The following CIMIP6 variants were observed in gnomAD, a reference collection of about 807,000 sequenced individuals.
CIMIP6 encodes ciliary microtubule inner protein 6.
the CIMIP6 span, among the ~76,000 whole-genome samples, chr2:54,335,399 T>A: frequency 6.6e-6 from 1 of 152,238 alleles, no homozygotes; most frequent in African/African-American, 2.4e-5. Flanking sequence ...CATATGAAGT[T>A]CTAGGAATGA....
the CIMIP6 span, chr2:54,335,072 C>A: frequency 7.0e-7 from 1 of 1,437,922 alleles, no homozygotes; most frequent in Non-Finnish European, 9.4e-7. Flanking sequence ...GATTCAGATG[C>A]TGTTTTGCAG....
chr2:54,333,294 G>A, the CIMIP6 span, among the ~76,000 whole-genome samples: 2 of 152,238 alleles, frequency 1.3e-5, no homozygotes, highest in African/African-American at 4.8e-5. Context: ...ACATGTGGTA[G>A]AGGAAAGAAA....
the CIMIP6 span, among the ~76,000 whole-genome samples, chr2:54,378,562 T>A: frequency 6.6e-6 from 1 of 152,328 alleles, no homozygotes; most frequent in Non-Finnish European, 1.5e-5. Flanking sequence ...CAAAATATTG[T>A]CTAGAAAGGA....
At chr2:54,355,687 G>A in the CIMIP6 span, among the ~76,000 whole-genome samples, 1 of 151,636 alleles carries the variant, frequency 6.6e-6, no homozygotes, top group African/African-American at 2.4e-5. Flanking sequence ...TGATTTTCTA[G>A]TTCATGATTC....
At chr2:54,350,427 G>T in the CIMIP6 span, among the ~76,000 whole-genome samples, 115,589 of 152,108 alleles carry the variant, frequency 0.76, 44,100 homozygotes, top group Non-Finnish European at 0.8. Context: ...GACTGAGGAC[G>T]GGACTCAGCT....
chr2:54,378,828 A>G, the CIMIP6 span, among the ~76,000 whole-genome samples: 1 of 152,198 alleles, frequency 6.6e-6, no homozygotes, highest in African/African-American at 2.4e-5. Flanking sequence ...CATGTCCTGA[A>G]TTCTTACAGC....
the CIMIP6 span, chr2:54,343,973 C>A: frequency 9.1e-7 from 1 of 1,102,906 alleles, no homozygotes; most frequent in Non-Finnish European, 1.2e-6. Flanking sequence ...AAAATAATTA[C>A]TTCTCTATGA....
chr2:54,361,793 GGTT>G, the CIMIP6 span, among the ~76,000 whole-genome samples: 2 of 152,182 alleles, frequency 1.3e-5, no homozygotes, highest in African/African-American at 4.8e-5. Context: ...GGAAGGGAGA[GGTT>G]GTTAGCATGT....
At chr2:54,355,686 A>G in the CIMIP6 span, among the ~76,000 whole-genome samples, 1 of 151,752 alleles carries the variant, frequency 6.6e-6, no homozygotes, top group Non-Finnish European at 1.5e-5. Context: ...CTGATTTTCT[A>G]GTTCATGATT....
At chr2:54,380,899 A>T in the CIMIP6 span, among the ~76,000 whole-genome samples, 6 of 152,104 alleles carry the variant, frequency 3.9e-5, no homozygotes, top group East Asian at 7.7e-4. Context: ...TTCTGTGGCG[A>T]TATCTTTTTT....
chr2:54,377,660 GCT>G, the CIMIP6 span, among the ~76,000 whole-genome samples: 5 of 152,088 alleles, frequency 3.3e-5, no homozygotes, highest in African/African-American at 9.7e-5. Flanking sequence ...TGAAAATCCA[GCT>G]CTCTCTGTGT....
chr2:54,366,675 A>T, the CIMIP6 span, among the ~76,000 whole-genome samples: 1 of 151,680 alleles, frequency 6.6e-6, no homozygotes, highest in South Asian at 2.1e-4. Flanking sequence ...GACAACCATA[A>T]TGTCAGCAGA....
At chr2:54,370,341 C>G in the CIMIP6 span, among the ~76,000 whole-genome samples, 1 of 151,998 alleles carries the variant, frequency 6.6e-6, no homozygotes, top group African/African-American at 2.4e-5. Flanking sequence ...AGTTAAAGCT[C>G]CCTGCCACCT....
At chr2:54,355,214 G>T in the CIMIP6 span, among the ~76,000 whole-genome samples, 2 of 152,182 alleles carry the variant, frequency 1.3e-5, no homozygotes, top group Non-Finnish European at 2.9e-5. Context: ...TTAACCTGTT[G>T]TTACTCCTTC....
the CIMIP6 span, chr2:54,360,770 A>G: frequency 1.0e-5 from 5 of 487,188 alleles, no homozygotes; most frequent in African/African-American, 4.0e-5. Flanking sequence ...CATTATTTCT[A>G]TGTCACATTC....
the CIMIP6 span, among the ~76,000 whole-genome samples, chr2:54,349,849 C>CTTT: frequency 3.6e-5 from 5 of 137,944 alleles, no homozygotes; most frequent in African/African-American, 8.0e-5. Context: ...AAAAAGAAAT[C>CTTT]TTTTTTTTTT....
the CIMIP6 span, chr2:54,335,037 T>C: frequency 6.4e-7 from 1 of 1,567,008 alleles, no homozygotes; most frequent in Non-Finnish European, 8.7e-7. Context: ...TGGACAGATG[T>C]TCATTGTATA....
At chr2:54,343,623 T>G in the CIMIP6 span, 1 of 849,178 alleles carries the variant, frequency 1.2e-6, no homozygotes, top group African/African-American at 1.7e-5. Context: ...ATCCACTAAC[T>G]TGTTAAATTG....
At chr2:54,373,580 C>T in the CIMIP6 span, among the ~76,000 whole-genome samples, 2 of 152,170 alleles carry the variant, frequency 1.3e-5, no homozygotes, top group East Asian at 3.8e-4. Flanking sequence ...AGCTCCTCTG[C>T]TGCTGCCCTC....
Sources: allele counts gnomAD v4.1 joint callset (sites outside exome capture counted in the v4.1 genomes callset), GRCh38; gene constraint gnomAD v4.1.1; transcripts MANE v1.5; gene names NCBI Gene and HGNC (gene_info 2026-07-23, HGNC 2026-07-21).